AGBL3: variants seen among roughly 807,000 people sequenced by gnomAD.
AGBL3 encodes the protein AGBL carboxypeptidase 3, also known as cytosolic carboxypeptidase 3.
Under a neutral mutation model 94.5 loss-of-function variants are expected in AGBL3, and 68 were observed. The ratio of observed to expected loss-of-function variants is 0.72; its 90% CI spans 0.59 to 0.88. The LOEUF (loss-of-function observed/expected upper bound fraction) is 0.88. Among genes scored for constraint, AGBL3 ranks in the 40% least tolerant of loss-of-function variants. The probability of loss-of-function intolerance (pLI) is 0.00; values close to 1 mark genes in which losing one functional copy is unlikely to be tolerated. For missense variants in AGBL3, 934 were observed against 1,103.8 expected (o/e 0.85, Z 2.18); for synonymous variants, 354 against 370.7 (o/e 0.95, Z 0.52).
Position 135,132,741 on chromosome 7 carries a change from A to G in AGBL3, c.2343-2100A>G, listed in dbSNP as rs1828953297. On this transcript the variant is annotated intron_variant, in intron 16 of 16. Coordinates refer to ENST00000436302, the MANE Select transcript of AGBL3 (RefSeq NM_178563.4). ...TGCATAAGCTGTCTTGCGTGCCACCATGTAAGACATGACTTTGCTCCTCCT... is the reference window on the plus strand; with the variant it reads ...TGCATAAGCTGTCTTGCGTGCCACCGTGTAAGACATGACTTTGCTCCTCCT... Among the ~76,000 whole-genome samples, 5 of 152,154 alleles carry G rather than the reference A, an allele frequency of 3.3e-5. No homozygotes were observed. In the South Asian group the frequency reaches 8.3e-4, roughly 25 times the overall value.
Position 135,034,656 on chromosome 7 carries a change from G to T in AGBL3, c.1065G>T (p.Lys355Asn). 6.4e-7 allele frequency: 1 copy of T among 1,551,650 alleles called. No individual in the cohort carries two copies. Among genetic ancestry groups the T allele is most frequent in the Non-Finnish European group, 8.7e-7 (1 of 1,146,972 alleles). The change falls in exon 7 of 17, where the codon AAG (lysine) becomes AAT (asparagine). Residue 355 changes from lysine to asparagine, a missense_variant. Coordinates refer to ENST00000436302, the MANE Select transcript of AGBL3 (RefSeq NM_178563.4). Reference protein sequence around the residue: ...PLKNSDSRKRKAVILTARVHP... With the variant: ...PLKNSDSRKRNAVILTARVHP... ...AGAACTCTGACTCAAGAAAGCGGAA[G>T]GCTGTGATTCTGACTGCAAGGGTCC...
intron 16 of AGBL3, among the ~76,000 whole-genome samples, chr7:135,116,527 G>T (rs1404340039): frequency 6.6e-6 from 1 of 152,190 alleles, no homozygotes; most frequent in East Asian, 1.9e-4. Context: ...AATGGGGAGA[G>T]AAAGAGGTAC....
At chr7:135,069,089 A>G (rs996391369) in intron 12 of AGBL3, among the ~76,000 whole-genome samples, 10 of 152,240 alleles carry the variant, frequency 6.6e-5, no homozygotes, top group African/African-American at 2.4e-4. Context: ...AGTCTCTGAT[A>G]AAACAGACTT....
chr7:135,007,361 GAT>G (rs1812521542), intron 4 of AGBL3, among the ~76,000 whole-genome samples: 1 of 151,924 alleles, frequency 6.6e-6, no homozygotes, highest in Non-Finnish European at 1.5e-5. Flanking sequence ...AATCTATCCA[GAT>G]ATGTTGTTTG....
At chr7:135,052,636 C>A (rs1260375527) in intron 11 of AGBL3, among the ~76,000 whole-genome samples, 2 of 152,022 alleles carry the variant, frequency 1.3e-5, no homozygotes, top group African/African-American at 4.8e-5. Flanking sequence ...CATGTGTACC[C>A]TTAGTTTAGC....
intron 16 of AGBL3, chr7:135,129,244 T>C (rs1444955069): frequency 1.3e-5 from 20 of 1,506,002 alleles, no homozygotes; most frequent in East Asian, 2.3e-5. Context: ...GGCTACATCA[T>C]GGGTATCTGC....
intron 11 of AGBL3, among the ~76,000 whole-genome samples, chr7:135,053,958 G>A (rs1818115575): frequency 6.6e-6 from 1 of 152,054 alleles, no homozygotes; most frequent in South Asian, 2.1e-4. Context: ...CAAAATCAAG[G>A]CTGATATGAA....
rs1163636087 is a variant in AGBL3, at chr7:135,067,190, C to T, written c.1908+7955C>T. Among the ~76,000 whole-genome samples, 10 of 152,198 alleles carry T rather than the reference C, an allele frequency of 6.6e-5. No individual in the cohort carries two copies. In the East Asian group the frequency reaches 9.6e-4, roughly 15 times the overall value. ...GCAAGGCGACAGCAAGGCTGGGGGACGGGCACCCACCATTGCCGAGGCTTG... is the reference window on the plus strand; with the variant it reads ...GCAAGGCGACAGCAAGGCTGGGGGATGGGCACCCACCATTGCCGAGGCTTG... On this transcript the variant is annotated intron_variant, in intron 12 of 16. Coordinates refer to ENST00000436302, the MANE Select transcript of AGBL3 (RefSeq NM_178563.4).
intron 15 of AGBL3, among the ~76,000 whole-genome samples, chr7:135,110,189 G>C (rs928149277): frequency 1.2e-4 from 19 of 152,074 alleles, no homozygotes; most frequent in Admixed American, 2.6e-4. Flanking sequence ...CTCTGTCTCA[G>C]GGAGGTACAA....
chr7:135,056,017 T>C (rs1297234591), intron 11 of AGBL3, among the ~76,000 whole-genome samples: 1 of 152,118 alleles, frequency 6.6e-6, no homozygotes, highest in Non-Finnish European at 1.5e-5. Flanking sequence ...AAGAAGCTGG[T>C]CTGTTTCATC....
intron 5 of AGBL3, among the ~76,000 whole-genome samples, chr7:135,025,045 A>G (rs1814938376): frequency 6.6e-6 from 1 of 151,596 alleles, no homozygotes; most frequent in African/African-American, 2.4e-5. Context: ...TGGAAAATGT[A>G]TTTTAGGATA....
chr7:135,093,672 T>C (rs1822204823), intron 15 of AGBL3: 1 of 152,198 alleles, frequency 6.6e-6, no homozygotes, highest in Non-Finnish European at 1.5e-5. Flanking sequence ...TATTGCTAGA[T>C]GGCAATACTC....
At chr7:135,063,790 C>T (rs1034017251) in intron 12 of AGBL3, among the ~76,000 whole-genome samples, 3 of 152,174 alleles carry the variant, frequency 2.0e-5, no homozygotes, top group African/African-American at 7.2e-5. Context: ...TTCTGCATAT[C>T]AATTTCTGTA....
chr7:135,007,504 A>G (rs1812544038), intron 4 of AGBL3, among the ~76,000 whole-genome samples: 1 of 151,938 alleles, frequency 6.6e-6, no homozygotes, highest in African/African-American at 2.4e-5. Flanking sequence ...AAAAACACTC[A>G]CCAAATTAGG....
chr7:135,057,264 T>C (rs368341516), intron 11 of AGBL3, among the ~76,000 whole-genome samples: 1 of 152,230 alleles, frequency 6.6e-6, no homozygotes, highest in South Asian at 2.1e-4. Flanking sequence ...AAATGAATTA[T>C]AGACCTAGAT....
At chr7:135,089,433 G>T (rs1226405610) in intron 15 of AGBL3, among the ~76,000 whole-genome samples, 1 of 152,012 alleles carries the variant, frequency 6.6e-6, no homozygotes, top group Non-Finnish European at 1.5e-5. Context: ...TTTTAGTGTT[G>T]CTTGTGTCCC....
intron 16 of AGBL3, chr7:135,128,461 G>A (rs1247446297): frequency 2.7e-6 from 2 of 744,864 alleles, no homozygotes; most frequent in African/African-American, 3.5e-5. Context: ...AGACCAAGAA[G>A]CTCAAGAGGA....
chr7:135,135,253 G>C lies in AGBL3; in HGVS notation c.2755G>C (p.Glu919Gln). Residue 919 changes from glutamate to glutamine, a missense_variant, in exon 17 of 17, where the codon GAG (glutamate) becomes CAG (glutamine). Transcript: ENST00000436302. ...CACCTTATATCTGAAGTTCCAAAGG[G>C]AGAGTTAATCTAGCTTTATACTGCT... ...QPTLYLKFQR[E>Q]S The C allele has an allele frequency of 6.6e-7, 1 of 1,517,658 alleles. No individual in the cohort carries two copies. The highest frequency in any genetic ancestry group is 2.5e-5 in the East Asian group (1 of 40,656). The allele number at this position is 1,517,658 out of a possible 1,614,324, so 94.0% of individuals were successfully genotyped here. A position where few individuals can be genotyped will look rare whatever the true frequency, so the allele number is the denominator to read the frequency against.
chr7:135,133,340 A>G (rs1202433090), intron 16 of AGBL3, among the ~76,000 whole-genome samples: 1 of 152,332 alleles, frequency 6.6e-6, no homozygotes, highest in South Asian at 2.1e-4. Context: ...GCCTCAATAA[A>G]GATGTCAGTT....
Sources: allele counts gnomAD v4.1 joint callset (sites outside exome capture counted in the v4.1 genomes callset), GRCh38; gene constraint gnomAD v4.1.1; transcripts MANE v1.5; gene names NCBI Gene and HGNC (gene_info 2026-07-23, HGNC 2026-07-21).